The following GLIS3 variants were observed in gnomAD, a reference collection of about 807,000 sequenced individuals.
GLIS3 encodes the protein GLIS family zinc finger 3.
GLIS3 carries 53 observed loss-of-function variants against 78.6 expected under a neutral mutation model. The ratio of observed to expected loss-of-function variants is 0.67; its 90% confidence interval spans 0.54 to 0.85. GLIS3 has a LOEUF of 0.85. Among genes scored for constraint, GLIS3 ranks in the 40% least tolerant of loss-of-function variants. The pLI is 0.00. For missense variants in GLIS3, 1,703 were observed against 1,231.1 expected (o/e 1.38, Z -5.74); for synonymous variants, 684 against 509.9 (o/e 1.34, Z -4.60).
the GLIS3 span, among the ~76,000 whole-genome samples, chr9:4,379,651 C>G: frequency 1.3e-5 from 2 of 152,178 alleles, no homozygotes; most frequent in Non-Finnish European, 2.9e-5. Flanking sequence ...TTGAAATTAT[C>G]ATGACTATTT....
intron 4 of GLIS3, among the ~76,000 whole-genome samples, chr9:3,973,345 C>A (rs923190110): frequency 6.6e-6 from 1 of 151,944 alleles, no homozygotes; most frequent in African/African-American, 2.4e-5. Context: ...TCCAAGTTGA[C>A]TGATATTGTG....
At chr9:4,462,250 A>G in the GLIS3 span, among the ~76,000 whole-genome samples, 9 of 152,208 alleles carry the variant, frequency 5.9e-5, no homozygotes, top group African/African-American at 2.2e-4. Flanking sequence ...CTTTTTCACC[A>G]TTCTGCAATA....
At chr9:4,458,057 T>C in the GLIS3 span, among the ~76,000 whole-genome samples, 3 of 152,076 alleles carry the variant, frequency 2.0e-5, no homozygotes, top group Admixed American at 2.0e-4. Context: ...ACCCACAGGA[T>C]AGCAGGTATG....
At chr9:4,094,650 C>T (rs1309178692) in intron 4 of GLIS3, among the ~76,000 whole-genome samples, 1 of 152,116 alleles carries the variant, frequency 6.6e-6, no homozygotes, top group Non-Finnish European at 1.5e-5. Flanking sequence ...AATCCAAATA[C>T]TCTCATTTCT....
At chr9:4,409,589 A>C in the GLIS3 span, among the ~76,000 whole-genome samples, 1 of 152,214 alleles carries the variant, frequency 6.6e-6, no homozygotes, top group Non-Finnish European at 1.5e-5. Flanking sequence ...TGATTGTCAC[A>C]GGGTGATGTC....
chr9:4,411,023 A>G, the GLIS3 span, among the ~76,000 whole-genome samples: 1 of 152,218 alleles, frequency 6.6e-6, no homozygotes, highest in African/African-American at 2.4e-5. Flanking sequence ...ATTTGTAAGA[A>G]CCAAAACAAG....
the GLIS3 span, among the ~76,000 whole-genome samples, chr9:4,413,755 G>C: frequency 6.6e-6 from 1 of 151,940 alleles, no homozygotes; most frequent in Non-Finnish European, 1.5e-5. Context: ...ACCAGGCAGG[G>C]AATGCCTTCC....
the GLIS3 span, among the ~76,000 whole-genome samples, chr9:4,406,902 T>C: frequency 2.0e-5 from 3 of 152,140 alleles, no homozygotes; most frequent in Non-Finnish European, 4.4e-5. Flanking sequence ...ACAATTCCTA[T>C]CAAAATAACA....
At chr9:4,489,866 C>T in the GLIS3 span, among the ~76,000 whole-genome samples, 1 of 152,240 alleles carries the variant, frequency 6.6e-6, no homozygotes, top group Non-Finnish European at 1.5e-5. Context: ...GACAAATCAC[C>T]TCCAGCGACT....
intron 4 of GLIS3, among the ~76,000 whole-genome samples, chr9:4,011,409 G>C (rs1469786537): frequency 6.6e-6 from 1 of 152,192 alleles, no homozygotes; most frequent in Non-Finnish European, 1.5e-5. Context: ...ATAGAAATGT[G>C]TTTTGTTACG....
At chr9:4,198,985 A>G (rs974315051) in intron 2 of GLIS3, among the ~76,000 whole-genome samples, 15 of 152,356 alleles carry the variant, frequency 9.8e-5, no homozygotes, top group African/African-American at 3.6e-4. Flanking sequence ...CAAAGGAGAA[A>G]TAAAATCTTT....
At chr9:4,382,771 G>C in the GLIS3 span, among the ~76,000 whole-genome samples, 1 of 152,024 alleles carries the variant, frequency 6.6e-6, no homozygotes, top group East Asian at 1.9e-4. Context: ...TCAAGATCAG[G>C]GCCTTTCCAT....
intron 2 of GLIS3, among the ~76,000 whole-genome samples, chr9:4,343,987 C>G (rs1350690407): frequency 6.6e-6 from 1 of 152,076 alleles, no homozygotes; most frequent in East Asian, 1.9e-4. Flanking sequence ...ACCTGCATAA[C>G]AAAATAAACT....
chr9:4,173,524 T>C (rs1444463959), intron 2 of GLIS3, among the ~76,000 whole-genome samples: 1 of 151,672 alleles, frequency 6.6e-6, no homozygotes, highest in African/African-American at 2.4e-5. Flanking sequence ...GGCAAGTGTA[T>C]TACTATATAT....
chr9:4,430,176 G>A, the GLIS3 span, among the ~76,000 whole-genome samples: 1 of 152,092 alleles, frequency 6.6e-6, no homozygotes, highest in Non-Finnish European at 1.5e-5. Context: ...GATAAGAGAG[G>A]GCATTGGAAA....
chr9:4,364,927 G>T, the GLIS3 span, among the ~76,000 whole-genome samples: 1 of 151,900 alleles, frequency 6.6e-6, no homozygotes, highest in Admixed American at 6.6e-5. Context: ...AGAACTACAG[G>T]TGTCTGCTAC....
At chr9:4,196,657 AAAGG>A (rs1818881088) in intron 2 of GLIS3, among the ~76,000 whole-genome samples, 1 of 152,152 alleles carries the variant, frequency 6.6e-6, no homozygotes, top group Non-Finnish European at 1.5e-5. Flanking sequence ...AAACCAACCA[AAAGG>A]AAGAAACTCC....
At chr9:4,246,184 C>T (rs556537067) in intron 2 of GLIS3, among the ~76,000 whole-genome samples, 1 of 152,302 alleles carries the variant, frequency 6.6e-6, no homozygotes, top group East Asian at 1.9e-4. Context: ...CATGATGAAA[C>T]CCTGTCTCTA....
At chr9:4,062,650 A>G (rs868833249) in intron 4 of GLIS3, among the ~76,000 whole-genome samples, 52 of 152,218 alleles carry the variant, frequency 3.4e-4, no homozygotes, top group Admixed American at 9.8e-4. Flanking sequence ...TGAAGTGGCC[A>G]GGCACAGTGG....
Sources: gnomAD v4.1 joint callset for allele counts (sites outside exome capture counted in the v4.1 genomes callset) on GRCh38, gnomAD v4.1.1 for gene constraint, MANE v1.5 for transcripts, NCBI Gene and HGNC (gene_info 2026-07-23, HGNC 2026-07-21) for gene names.